Variants in PGCKA1 observed in about 807,000 individuals in gnomAD.
The protein encoded by PGCKA1 is PDCD10 and GCKIII kinases-associated protein 1.
At chr4:37,563,656 T>C in the PGCKA1 span, among the ~76,000 whole-genome samples, 1 of 152,290 alleles carries the variant, frequency 6.6e-6, no homozygotes, top group Non-Finnish European at 1.5e-5. Flanking sequence ...GGAATTACCC[T>C]GAACTAGTTT....
chr4:37,457,631 A>T, the PGCKA1 span, among the ~76,000 whole-genome samples: 1 of 152,232 alleles, frequency 6.6e-6, no homozygotes, highest in African/African-American at 2.4e-5. Flanking sequence ...TGCAATAAAT[A>T]CAAAGATTTG....
the PGCKA1 span, among the ~76,000 whole-genome samples, chr4:37,523,533 C>T: frequency 0.31 from 46,764 of 151,880 alleles, 8,520 homozygotes; most frequent in African/African-American, 0.49. Flanking sequence ...GGAGGGATGA[C>T]TGTTGGAGCC....
At chr4:37,500,125 T>C in the PGCKA1 span, among the ~76,000 whole-genome samples, 3 of 151,994 alleles carry the variant, frequency 2.0e-5, no homozygotes, top group Non-Finnish European at 4.4e-5. Flanking sequence ...AGGGTTTCAC[T>C]GTGTTAGCCA....
At chr4:37,587,747 T>A in the PGCKA1 span, among the ~76,000 whole-genome samples, 1 of 152,154 alleles carries the variant, frequency 6.6e-6, no homozygotes, top group Admixed American at 6.5e-5. Context: ...GGCAGGCAGA[T>A]CACTTGAGGT....
the PGCKA1 span, among the ~76,000 whole-genome samples, chr4:37,583,939 A>G: frequency 6.6e-6 from 1 of 152,174 alleles, no homozygotes; most frequent in South Asian, 2.1e-4. Context: ...TGTTGCCAAA[A>G]GGGAGGCAAG....
At chr4:37,516,384 AC>A in the PGCKA1 span, among the ~76,000 whole-genome samples, 1 of 152,264 alleles carries the variant, frequency 6.6e-6, no homozygotes, top group Non-Finnish European at 1.5e-5. Context: ...AGTTTGTGCA[AC>A]CTATGAGTAA....
chr4:37,561,210 T>C, the PGCKA1 span, among the ~76,000 whole-genome samples: 1 of 152,100 alleles, frequency 6.6e-6, no homozygotes, highest in Non-Finnish European at 1.5e-5. Context: ...CCCAATTCCC[T>C]CCTTCCTCTC....
At chr4:37,557,070 A>C in the PGCKA1 span, among the ~76,000 whole-genome samples, 3 of 152,224 alleles carry the variant, frequency 2.0e-5, no homozygotes, top group Admixed American at 2.0e-4. Context: ...GGAGTGGAAT[A>C]AGAGCCTTTC....
chr4:37,505,268 C>T, the PGCKA1 span, among the ~76,000 whole-genome samples: 1 of 152,182 alleles, frequency 6.6e-6, no homozygotes, highest in Non-Finnish European at 1.5e-5. Context: ...ATATATTACA[C>T]TTGGTCATGA....
chr4:37,467,849 A>C, the PGCKA1 span, among the ~76,000 whole-genome samples: 2 of 152,230 alleles, frequency 1.3e-5, no homozygotes, highest in Admixed American at 6.5e-5. Context: ...CATGCAGTAC[A>C]ACAATTGACA....
chr4:37,592,473 T>C, the PGCKA1 span, among the ~76,000 whole-genome samples: 1 of 152,124 alleles, frequency 6.6e-6, no homozygotes, highest in African/African-American at 2.4e-5. Context: ...TAACTAAATG[T>C]CCTGATCTTA....
chr4:37,580,885 G>C, the PGCKA1 span, among the ~76,000 whole-genome samples: 4 of 152,158 alleles, frequency 2.6e-5, no homozygotes, highest in Non-Finnish European at 4.4e-5. Flanking sequence ...AGGGACTGAA[G>C]TCAAAATCCT....
chr4:37,574,871 T>C, the PGCKA1 span, among the ~76,000 whole-genome samples: 2 of 152,198 alleles, frequency 1.3e-5, no homozygotes, highest in African/African-American at 4.8e-5. Context: ...AAATTTGTCT[T>C]TCTGTGCCTG....
At chr4:37,504,789 G>A in the PGCKA1 span, among the ~76,000 whole-genome samples, 1 of 152,122 alleles carries the variant, frequency 6.6e-6, no homozygotes, top group Non-Finnish European at 1.5e-5. Flanking sequence ...TAACTTTACT[G>A]AATTTGTTTA....
At chr4:37,543,616 C>T in the PGCKA1 span, among the ~76,000 whole-genome samples, 4,951 of 151,216 alleles carry the variant, frequency 0.033, 268 homozygotes, top group African/African-American at 0.11. Flanking sequence ...CCGAGGCAGG[C>T]GGATCACGAG....
the PGCKA1 span, among the ~76,000 whole-genome samples, chr4:37,585,852 A>G: frequency 3.4e-3 from 522 of 152,066 alleles, 7 homozygotes; most frequent in African/African-American, 0.012. Context: ...TTTTCTGTCT[A>G]CGGGACTGTT....
chr4:37,585,261 T>G, the PGCKA1 span, among the ~76,000 whole-genome samples: 1 of 9,930 alleles, frequency 1.0e-4, no homozygotes, highest in Non-Finnish European at 1.6e-4. Context: ...AGAGGAGAGG[T>G]ATTGAGGGAG....
chr4:37,554,064 G>C, the PGCKA1 span, among the ~76,000 whole-genome samples: 9 of 152,148 alleles, frequency 5.9e-5, no homozygotes, highest in African/African-American at 1.9e-4. Flanking sequence ...TTGAATCATG[G>C]GGGTGGGTTT....
the PGCKA1 span, among the ~76,000 whole-genome samples, chr4:37,583,644 A>C: frequency 3.3e-5 from 5 of 152,114 alleles, no homozygotes; most frequent in Non-Finnish European, 5.9e-5. Context: ...TCACCGTATT[A>C]GCCAGGATGG....
Sources: allele counts gnomAD v4.1 joint callset (sites outside exome capture counted in the v4.1 genomes callset), GRCh38; gene constraint gnomAD v4.1.1; transcripts MANE v1.5; gene names NCBI Gene and HGNC (gene_info 2026-07-23, HGNC 2026-07-21).